The following DLG1 variants were observed in gnomAD, a reference collection of about 807,000 sequenced individuals.
The protein encoded by DLG1 is discs large MAGUK scaffold protein 1.
Under a neutral mutation model 123.4 loss-of-function variants are expected in DLG1, and 42 were observed. The ratio of observed to expected loss-of-function variants is 0.34; its 90% CI spans 0.27 to 0.44. DLG1 has a LOEUF of 0.44. DLG1 is among the 20% of genes least tolerant of loss of function. DLG1 has a pLI of 1.00. For missense variants in DLG1, 942 were observed against 1,082.6 expected (o/e 0.87, Z 1.82); for synonymous variants, 317 against 356.2 (o/e 0.89, Z 1.24).
At chr3:197,120,939 G>A (rs895261945) in intron 11 of DLG1, among the ~76,000 whole-genome samples, 28 of 152,160 alleles carry the variant, frequency 1.8e-4, no homozygotes, top group Admixed American at 2.0e-4. Flanking sequence ...GGATTTTCAA[G>A]TGAATTGGTA....
intron 4 of DLG1, among the ~76,000 whole-genome samples, chr3:197,231,439 C>T (rs1311349845): frequency 1.3e-5 from 2 of 152,124 alleles, no homozygotes; most frequent in Admixed American, 1.3e-4. Context: ...TGTGGTCTTA[C>T]ACCTATAATC....
At chr3:197,208,943 C>G (rs1474523542) in intron 4 of DLG1, among the ~76,000 whole-genome samples, 2 of 145,804 alleles carry the variant, frequency 1.4e-5, no homozygotes, top group African/African-American at 4.9e-5. Flanking sequence ...ATAAAACAAT[C>G]ATTACAGGAG....
intron 11 of DLG1, among the ~76,000 whole-genome samples, chr3:197,128,754 A>G (rs1170697611): frequency 1.3e-5 from 2 of 152,248 alleles, no homozygotes; most frequent in African/African-American, 4.8e-5. Flanking sequence ...CATCAAAACA[A>G]CATCAGTCTC....
intron 22 of DLG1, among the ~76,000 whole-genome samples, chr3:197,062,401 T>C (rs1736470343): frequency 6.6e-6 from 1 of 152,238 alleles, no homozygotes. Context: ...TCTGAAAAGT[T>C]GAACCATTCT....
chr3:197,190,958 C>T (rs1244554946), intron 5 of DLG1, among the ~76,000 whole-genome samples: 2 of 152,040 alleles, frequency 1.3e-5, no homozygotes, highest in Non-Finnish European at 2.9e-5. Context: ...TGCAGTGAGC[C>T]GAGATCGCGC....
chr3:197,217,136 C>T (rs986498478), intron 4 of DLG1, among the ~76,000 whole-genome samples: 3 of 152,140 alleles, frequency 2.0e-5, no homozygotes, highest in Non-Finnish European at 4.4e-5. Context: ...GAACTTGGAC[C>T]ATCCCAGTAT....
chr3:197,253,676 C>T (rs1481352006), intron 4 of DLG1, among the ~76,000 whole-genome samples: 3 of 152,022 alleles, frequency 2.0e-5, no homozygotes, highest in African/African-American at 7.2e-5. Flanking sequence ...TCAGTGGTTG[C>T]TTTGAGTTAA....
intron 7 of DLG1, 70 bp downstream of exon 7, chr3:197,142,648 T>C: frequency 6.7e-6 from 8 of 1,201,384 alleles, no homozygotes; most frequent in Non-Finnish European, 9.4e-6. Context: ...AGATCTCCCT[T>C]GGATTCTGTA....
intron 4 of DLG1, among the ~76,000 whole-genome samples, chr3:197,237,182 A>G (rs1336822705): frequency 1.3e-5 from 2 of 152,218 alleles, no homozygotes; most frequent in African/African-American, 4.8e-5. Flanking sequence ...GCCACATGCT[A>G]CATACAACTA....
intron 1 of DLG1, chr3:197,298,236 T>G: frequency 3.0e-6 from 1 of 337,960 alleles, no homozygotes. Flanking sequence ...CGCTGCTACC[T>G]TCGGGTTGGA....
chr3:197,239,442 TAAG>T (rs1358066294), intron 4 of DLG1, among the ~76,000 whole-genome samples: 1 of 152,060 alleles, frequency 6.6e-6, no homozygotes, highest in African/African-American at 2.4e-5. Context: ...TCCAAAAAAT[TAAG>T]GAGGAGGGAC....
chr3:197,133,531 C>A (rs577360718), intron 10 of DLG1, among the ~76,000 whole-genome samples: 2 of 152,300 alleles, frequency 1.3e-5, no homozygotes, highest in African/African-American at 4.8e-5. Context: ...ATACCTGACA[C>A]AAGAGCTGAC....
intron 4 of DLG1, among the ~76,000 whole-genome samples, chr3:197,274,291 C>T (rs1326688663): frequency 6.6e-6 from 1 of 152,158 alleles, no homozygotes; most frequent in Non-Finnish European, 1.5e-5. Flanking sequence ...AATAAATCCA[C>T]ACATTTAAGC....
At chr3:197,283,343 T>C (rs552909668) in intron 3 of DLG1, among the ~76,000 whole-genome samples, 23 of 152,268 alleles carry the variant, frequency 1.5e-4, no homozygotes, top group African/African-American at 3.8e-4. Flanking sequence ...TAATTGCCCT[T>C]CTAGCCAAAG....
Position 197,065,405 on chromosome 3 carries a change from A to G in DLG1, c.2244T>C (p.Asp748=), listed in dbSNP as rs1738821187. 6.2e-7 allele frequency: 1 copy of G among 1,612,598 alleles called. No homozygotes were observed. The highest frequency in any genetic ancestry group is 2.2e-5 in the East Asian group (1 of 44,784). Residue 748 remains aspartate (D), a synonymous_variant, in exon 22 of 25, where the codon GAT becomes GAC. Coordinates refer to ENST00000667157, the MANE Select transcript of DLG1 (RefSeq NM_001366207.1). ...PKRDYEVDGR[D]YHFVTSREQM... ...GCTCTCTTGAAGTCACAAAATGATA[A>G]TCTCTTCCATCTACCTCATAATCTC...
At chr3:197,059,807 T>C in intron 23 of DLG1, 82 bp downstream of exon 23, 1 of 849,730 alleles carries the variant, frequency 1.2e-6, no homozygotes, top group South Asian at 1.7e-5. Flanking sequence ...ATAGATAAAC[T>C]GAGATGCAGG....
intron 14 of DLG1, among the ~76,000 whole-genome samples, chr3:197,102,490 T>C (rs1445782218): frequency 6.6e-6 from 1 of 152,240 alleles, no homozygotes; most frequent in Non-Finnish European, 1.5e-5. Context: ...GTTAATGTTT[T>C]TGTGTTGTGT....
In DLG1 at chr3:197,050,345, C is replaced by T. The variant is rs547086111; in HGVS notation, c.2575+1232G>A. 3.0e-4 allele frequency among the ~76,000 whole-genome samples: 45 copies of T among 150,334 alleles called. 1 individual carries two copies. The highest frequency in any genetic ancestry group is 3.4e-3 in the Middle Eastern group (1 of 290). On this transcript the variant is annotated intron_variant, in intron 24 of 24. Transcript: ENST00000667157. ...TTGCGCCACTGCACTCCAGCCTGGG[C>T]GACAGAGCCAGACTCCATTTCAAAA... is the stretch of plus-strand genomic sequence containing the variant.
chr3:197,051,522 A>T, intron 24 of DLG1, 55 bp downstream of exon 24: 3 of 1,452,754 alleles, frequency 2.1e-6, no homozygotes, highest in South Asian at 2.3e-5. Flanking sequence ...GTCGGTTCAC[A>T]TGGCTTCAAA....
Sources: gnomAD v4.1 joint callset for allele counts (sites outside exome capture counted in the v4.1 genomes callset) on GRCh38, gnomAD v4.1.1 for gene constraint, MANE v1.5 for transcripts, NCBI Gene and HGNC (gene_info 2026-07-23, HGNC 2026-07-21) for gene names.